The following RIGI variants were observed in gnomAD, a reference collection of about 807,000 sequenced individuals.
RIGI encodes RNA sensor RIG-I, also known as antiviral innate immune response receptor RIG-I.
At chr9:32,459,504 A>G in the RIGI span, 8 of 1,604,436 alleles carry the variant, frequency 5.0e-6, no homozygotes, top group Non-Finnish European at 6.8e-6. Context: ...ATGAGTCTGT[A>G]TATGCAGAAT....
At chr9:32,493,001 T>C in the RIGI span, among the ~76,000 whole-genome samples, 320 of 152,302 alleles carry the variant, frequency 2.1e-3, no homozygotes, top group Non-Finnish European at 3.6e-3. Context: ...GTACTTTACA[T>C]ATATTATCTC....
At chr9:32,482,215 GTT>G in the RIGI span, among the ~76,000 whole-genome samples, 144 of 151,510 alleles carry the variant, frequency 9.5e-4, no homozygotes, top group Admixed American at 1.6e-3. Context: ...GTGTGTGTGT[GTT>G]TGATTGTTTC....
At chr9:32,461,166 A>G in the RIGI span, among the ~76,000 whole-genome samples, 5 of 152,162 alleles carry the variant, frequency 3.3e-5, no homozygotes, top group Admixed American at 6.5e-5. Flanking sequence ...ACGCTGAAAG[A>G]AAAGAACAGT....
At chr9:32,476,826 T>C in the RIGI span, among the ~76,000 whole-genome samples, 3 of 152,172 alleles carry the variant, frequency 2.0e-5, no homozygotes, top group African/African-American at 4.8e-5. Context: ...CTCACTATGT[T>C]GCCCAGGCAG....
chr9:32,499,431 T>C, the RIGI span, among the ~76,000 whole-genome samples: 1 of 151,072 alleles, frequency 6.6e-6, no homozygotes, highest in African/African-American at 2.5e-5. Context: ...TAGCGTTTGT[T>C]TTTTAAATAC....
the RIGI span, chr9:32,487,415 C>G: frequency 6.5e-7 from 1 of 1,549,614 alleles, no homozygotes; most frequent in South Asian, 1.1e-5. Flanking sequence ...TGGCTCTGAA[C>G]TAGAGGTAGT....
chr9:32,460,982 ACT>A, the RIGI span, among the ~76,000 whole-genome samples: 2 of 151,874 alleles, frequency 1.3e-5, no homozygotes, highest in Non-Finnish European at 2.9e-5. Flanking sequence ...TTCAAAAAAC[ACT>A]CTAAGACAGG....
At chr9:32,522,918 T>A in the RIGI span, among the ~76,000 whole-genome samples, 1 of 152,142 alleles carries the variant, frequency 6.6e-6, no homozygotes, top group Non-Finnish European at 1.5e-5. Context: ...CTTATATTTG[T>A]TTTATCTGAG....
At chr9:32,487,928 T>C in the RIGI span, 12 of 1,612,404 alleles carry the variant, frequency 7.4e-6, no homozygotes, top group Middle Eastern at 3.3e-4. Context: ...GAAGCATTCG[T>C]CTGACTTTGG....
chr9:32,519,571 A>G, the RIGI span, among the ~76,000 whole-genome samples: 109 of 152,342 alleles, frequency 7.2e-4, no homozygotes, highest in African/African-American at 2.5e-3. Context: ...AGGTGAGAGA[A>G]ATGTTTAAGT....
At chr9:32,477,205 C>T in the RIGI span, 25 of 1,532,306 alleles carry the variant, frequency 1.6e-5, no homozygotes, top group African/African-American at 6.9e-5. Context: ...CTTTAGCTAT[C>T]GTTCAAACAG....
the RIGI span, among the ~76,000 whole-genome samples, chr9:32,465,538 A>G: frequency 2.0e-5 from 3 of 152,168 alleles, no homozygotes; most frequent in Admixed American, 1.3e-4. Context: ...CATACATCTC[A>G]TTTATCCTCA....
the RIGI span, chr9:32,491,465 T>A: frequency 1.3e-6 from 2 of 1,494,188 alleles, no homozygotes; most frequent in South Asian, 1.3e-5. Context: ...ATAATCTGAT[T>A]ATAGTTTTGA....
At chr9:32,471,492 T>C in the RIGI span, among the ~76,000 whole-genome samples, 3 of 152,210 alleles carry the variant, frequency 2.0e-5, no homozygotes, top group Non-Finnish European at 2.9e-5. Flanking sequence ...AAAAGGTCCA[T>C]TTTTATCCAC....
At chr9:32,489,622 A>G in the RIGI span, among the ~76,000 whole-genome samples, 1 of 152,144 alleles carries the variant, frequency 6.6e-6, no homozygotes, top group Non-Finnish European at 1.5e-5. Context: ...AATTTGAAGT[A>G]CAGAATTCTC....
the RIGI span, among the ~76,000 whole-genome samples, chr9:32,498,982 CAA>C: frequency 9.5e-3 from 921 of 97,402 alleles, 4 homozygotes; most frequent in Middle Eastern, 0.015. Context: ...GACTCTGTCT[CAA>C]AAAAAAAAAA....
chr9:32,509,655 C>T, the RIGI span, among the ~76,000 whole-genome samples: 1 of 151,948 alleles, frequency 6.6e-6, no homozygotes, highest in African/African-American at 2.4e-5. Context: ...TGCAAAAAGG[C>T]AGAAAAAAAA....
At chr9:32,503,352 G>A in the RIGI span, among the ~76,000 whole-genome samples, 1 of 152,120 alleles carries the variant, frequency 6.6e-6, no homozygotes, top group African/African-American at 2.4e-5. Flanking sequence ...CTGCTACAGA[G>A]TAGTGACAAT....
the RIGI span, chr9:32,457,491 A>AG: frequency 7.9e-7 from 1 of 1,258,060 alleles, no homozygotes; most frequent in Non-Finnish European, 1.1e-6. Context: ...TTTAAAAAAA[A>AG]AAAAAAGAAA....
Sources: allele counts gnomAD v4.1 joint callset (sites outside exome capture counted in the v4.1 genomes callset), GRCh38; gene constraint gnomAD v4.1.1; transcripts MANE v1.5; gene names NCBI Gene and HGNC (gene_info 2026-07-23, HGNC 2026-07-21).